KAT6B: variants seen among roughly 807,000 people sequenced by gnomAD.
KAT6B encodes lysine acetyltransferase 6B, also known as histone acetyltransferase KAT6B.
Under a neutral mutation model 187.5 loss-of-function variants are expected in KAT6B, and 10 were observed. That is an observed-to-expected ratio of 0.05 (90% confidence interval 0.03 to 0.09). The LOEUF is 0.09. Ranked by LOEUF, KAT6B falls within the 10% of genes least tolerant of loss-of-function variation. KAT6B has a pLI of 1.00. For missense variants in KAT6B, 1,952 were observed against 2,558.9 expected, an observed-to-expected ratio of 0.76 and a Z score of 5.12; for synonymous variants, 861 against 926.8, an observed-to-expected ratio of 0.93 and a Z score of 1.29.
In KAT6B at chr10:74,993,877, C is replaced by G. The variant is rs189027874; in HGVS notation, c.2629+4765C>G. On this transcript the variant is annotated intron_variant, in intron 13 of 17. Coordinates refer to ENST00000287239, the MANE Select transcript of KAT6B (RefSeq NM_012330.4). ...CATAGAAGTGACCGTATGTCCTTCC[C>G]AGTGCATTTCATCAGGATCATATGA... 3.4e-3 allele frequency among the ~76,000 whole-genome samples: 521 copies of G among 152,256 alleles called. 5 individuals carry two copies. Among genetic ancestry groups the G allele is most frequent in the Non-Finnish European group, 5.3e-3 (361 of 68,020 alleles).
At chr10:74,957,045 C>T (rs1564587493) in intron 3 of KAT6B, among the ~76,000 whole-genome samples, 1 of 152,126 alleles carries the variant, frequency 6.6e-6, no homozygotes, top group Non-Finnish European at 1.5e-5. Context: ...ATCAAATTGC[C>T]ATTTACTCAG....
At chr10:74,888,595 GA>G (rs1216309299) in intron 3 of KAT6B, among the ~76,000 whole-genome samples, 4 of 152,116 alleles carry the variant, frequency 2.6e-5, no homozygotes, top group Admixed American at 6.5e-5. Flanking sequence ...GCGGCAATGA[GA>G]AAAAATGGGT....
At chr10:74,832,287 GTAA>G (rs1245203925) in intron 1 of KAT6B, among the ~76,000 whole-genome samples, 1 of 152,104 alleles carries the variant, frequency 6.6e-6, no homozygotes, top group Non-Finnish European at 1.5e-5. Flanking sequence ...AAAGAATCCT[GTAA>G]TAATCTCTCT....
At chr10:74,871,759 C>G (rs1843995420) in intron 3 of KAT6B, among the ~76,000 whole-genome samples, 1 of 152,106 alleles carries the variant, frequency 6.6e-6, no homozygotes, top group African/African-American at 2.4e-5. Context: ...TTTAGCATGC[C>G]AGAACAAGGA....
chr10:74,839,101 C>T (rs965311375), intron 2 of KAT6B, among the ~76,000 whole-genome samples: 10 of 150,322 alleles, frequency 6.7e-5, no homozygotes, highest in South Asian at 2.1e-4. Flanking sequence ...TGCAGTGAGC[C>T]GAGATCATGC....
chr10:74,999,795 C>T (rs1454575049), intron 13 of KAT6B, among the ~76,000 whole-genome samples: 1 of 152,168 alleles, frequency 6.6e-6, no homozygotes, highest in African/African-American at 2.4e-5. Context: ...AGATTCAGTG[C>T]CCCAGAGAGA....
At chr10:74,855,920 A>G (rs186183614) in intron 3 of KAT6B, among the ~76,000 whole-genome samples, 70 of 152,280 alleles carry the variant, frequency 4.6e-4, no homozygotes, top group African/African-American at 1.6e-3. Flanking sequence ...AATTTTGACT[A>G]AACTGTTGGA....
In KAT6B at chr10:74,876,774, A is replaced by G. The variant is rs1367291516; in HGVS notation, c.621+33296A>G. On this transcript the variant is annotated intron_variant, in intron 3 of 17. Coordinates refer to ENST00000287239, the MANE Select transcript of KAT6B (RefSeq NM_012330.4). Reference sequence around the variant, plus strand: ...ACTAAAAATACAAAATTAGCTGGGCATGGTGGCGCATGCGTGTAGTCTCAG... The same window carrying G: ...ACTAAAAATACAAAATTAGCTGGGCGTGGTGGCGCATGCGTGTAGTCTCAG... Among the ~76,000 whole-genome samples the G allele has an allele frequency of 2.6e-5, 4 of 151,856 alleles. No homozygotes were observed. In the East Asian group the frequency reaches 7.9e-4, roughly 30 times the overall value.
Position 74,981,825 on chromosome 10 carries a change from A to G in KAT6B, c.2270A>G (p.Tyr757Cys), listed in dbSNP as rs758845436. 1.4e-5 allele frequency: 22 copies of G among 1,569,696 alleles called. No homozygotes were observed. The highest frequency in any genetic ancestry group is 1.6e-5 in the Non-Finnish European group (18 of 1,139,990). ...KLYLCEFCLKYMKSKNILLRH... is the reference protein window; with the variant it reads ...KLYLCEFCLKCMKSKNILLRH... ...TACCTGTGTGAATTCTGTCTTAAATATATGAAAAGTAAAAATATTTTGCTA... is the reference window on the plus strand; with the variant it reads ...TACCTGTGTGAATTCTGTCTTAAATGTATGAAAAGTAAAAATATTTTGCTA... The change falls in exon 11 of 18, where the codon TAT becomes TGT. Residue 757 changes from tyrosine to cysteine, a missense_variant. Coordinates refer to ENST00000287239, the MANE Select transcript of KAT6B (RefSeq NM_012330.4).
chr10:74,884,829 A>C (rs943561203), intron 3 of KAT6B, among the ~76,000 whole-genome samples: 2 of 152,162 alleles, frequency 1.3e-5, no homozygotes, highest in Non-Finnish European at 2.9e-5. Flanking sequence ...TCAGCCTCCC[A>C]AAATGCTGGG....
At chr10:74,915,144 AAT>A (rs748568059) in intron 3 of KAT6B, among the ~76,000 whole-genome samples, 7 of 152,180 alleles carry the variant, frequency 4.6e-5, no homozygotes, top group East Asian at 1.9e-4. Context: ...CTTTGGCAAA[AAT>A]ATATGTTTCT....
At position 74,866,878 on chromosome 10, in the gene KAT6B, A is replaced by T. The variant is rs529634749; in HGVS notation, c.621+23400A>T. On this transcript the variant is annotated intron_variant, in intron 3 of 17. Coordinates refer to ENST00000287239, the MANE Select transcript of KAT6B (RefSeq NM_012330.4). ...CATTCTGTGTGATTCAGCTCACCTCATAACATCTCAAGTCTCACCTCAAGG... is the reference window on the plus strand; with the variant it reads ...CATTCTGTGTGATTCAGCTCACCTCTTAACATCTCAAGTCTCACCTCAAGG... Among the ~76,000 whole-genome samples, 5 of 152,330 alleles carry T rather than the reference A, an allele frequency of 3.3e-5. No homozygotes were observed. In the East Asian group the frequency reaches 9.6e-4, roughly 29 times the overall value.
At chr10:74,953,651 T>C (rs1161373074) in intron 3 of KAT6B, among the ~76,000 whole-genome samples, 13 of 152,218 alleles carry the variant, frequency 8.5e-5, no homozygotes, top group Non-Finnish European at 1.8e-4. Flanking sequence ...TTAAGAAGTA[T>C]GGATCTATAG....
In KAT6B at chr10:74,994,362, T is replaced by G. The variant is rs567950068; in HGVS notation, c.2629+5250T>G. ...GCCTTTTCCACATGCTTCCATCCTGTGGATTCTTCCTTCCTTTCTGCCACA... is the reference window on the plus strand; with the variant it reads ...GCCTTTTCCACATGCTTCCATCCTGGGGATTCTTCCTTCCTTTCTGCCACA... On this transcript the variant is annotated intron_variant, in intron 13 of 17. Coordinates refer to ENST00000287239, the MANE Select transcript of KAT6B (RefSeq NM_012330.4). Among the ~76,000 whole-genome samples, 45 of 152,328 alleles carry G rather than the reference T, an allele frequency of 3.0e-4. 1 individual carries two copies. In the Middle Eastern group the frequency reaches 0.01, roughly 35 times the overall value.
chr10:74,838,459 A>T (rs1485300911), intron 1 of KAT6B, among the ~76,000 whole-genome samples: 1 of 152,166 alleles, frequency 6.6e-6, no homozygotes, highest in Admixed American at 6.5e-5. Flanking sequence ...GATGAAATTT[A>T]CTTCTATAGG....
Position 75,029,548 on chromosome 10 carries a change from A to G in KAT6B, c.4724A>G (p.Tyr1575Cys). The change falls in exon 18 of 18, where the codon TAC becomes TGC. Residue 1575 changes from tyrosine (Y) to cysteine (C), a missense_variant. Tyr to Cys is a radical substitution (Grantham distance 194, BLOSUM62 -2). This residue lies in a region of KAT6B where 758 missense variants were observed against 891.4 expected (regional missense o/e 0.85). Transcript: ENST00000287239. This position sits in a 1 kb window ranked among gnomAD's most constrained non-coding sequence, Gnocchi z 6.2. ...GAGGCCTGTAGAAGCCTACAGAACT[A>G]CACCCGTGCAGACCAAAGTCCACAG... is the stretch of plus-strand genomic sequence containing the variant. Reference protein sequence around the residue: ...TQEACRSLQNYTRADQSPQIA... With the variant: ...TQEACRSLQNCTRADQSPQIA... 6.2e-7 allele frequency: 1 copy of G among 1,614,160 alleles called. No individual in the cohort carries two copies.
At chr10:74,853,200 G>C (rs982483727) in intron 3 of KAT6B, among the ~76,000 whole-genome samples, 1 of 143,234 alleles carries the variant, frequency 7.0e-6, no homozygotes, top group African/African-American at 2.6e-5. Flanking sequence ...CTGCAGCCTC[G>C]ACCTCCCGGG....
Position 74,975,913 on chromosome 10 carries a change from T to G in KAT6B, c.1576T>G (p.Cys526Gly). The change falls in exon 8 of 18, where the codon TGC (cysteine) becomes GGC (glycine). Residue 526 changes from cysteine (C) to glycine (G), a missense_variant. Transcript: ENST00000287239. ...SPSPQSSSSQ[C>G]SVPSLSSLTT... The stretch of plus-strand genomic sequence containing the variant: ...CTCTCCCCAGAGTTCTTCCAGCCAG[T>G]GCAGTGTGCCCTCCCTGAGCAGCCT... 2 of 1,614,112 alleles carry G rather than the reference T, an allele frequency of 1.2e-6. No individual in the cohort carries two copies. Among genetic ancestry groups the G allele is most frequent in the Non-Finnish European group, 1.7e-6 (2 of 1,180,022 alleles).
chr10:75,030,871 C>G lies in KAT6B; in HGVS notation c.6047C>G (p.Thr2016Arg), dbSNP rs755586025. The G allele has an allele frequency of 1.2e-6, 2 of 1,614,154 alleles. No homozygotes were observed. Among genetic ancestry groups the G allele is most frequent in the Non-Finnish European group, 1.7e-6 (2 of 1,180,030 alleles). The change falls in exon 18 of 18, where the codon ACG becomes AGG. Residue 2016 changes from threonine (T) to arginine (R), a missense_variant. Coordinates refer to ENST00000287239, the MANE Select transcript of KAT6B (RefSeq NM_012330.4). This position sits in a 1 kb window ranked among gnomAD's most constrained non-coding sequence, Gnocchi z 4.8. ...AGCAATCATGGCTATATGAATCAAA[C>G]GCCCCAATACCCTATGCAGATGCAG... ...YHSNHGYMNQ[T>R]PQYPMQMQMG...
Sources: allele counts gnomAD v4.1 joint callset (sites outside exome capture counted in the v4.1 genomes callset), GRCh38; gene constraint gnomAD v4.1.1; regional missense constraint gnomAD v4.1.1; non-coding constraint Gnocchi (gnomAD v3.1); transcripts MANE v1.5; gene names NCBI Gene and HGNC (gene_info 2026-07-23, HGNC 2026-07-21).